Variants in PLCB1 observed in about 807,000 individuals in gnomAD.
The protein encoded by PLCB1 is phospholipase C beta 1.
In PLCB1, 46 loss-of-function variants were observed where a neutral mutation model predicts 161.8. The ratio of observed to expected loss-of-function variants is 0.28; its 90% CI spans 0.22 to 0.36. The LOEUF (loss-of-function observed/expected upper bound fraction) is 0.36. PLCB1 is among the 10% of genes least tolerant of loss of function. PLCB1 has a pLI of 1.00. For missense variants in PLCB1, 1,016 were observed against 1,472.5 expected (o/e 0.69, Z 5.07); for synonymous variants, 517 against 503.7 (o/e 1.03, Z -0.35).
chr20:8,159,388 G>T, intron 2 of PLCB1, among the ~76,000 whole-genome samples: 1 of 152,066 alleles, frequency 6.6e-6, no homozygotes, highest in East Asian at 1.9e-4. Flanking sequence ...AGGGACCCTT[G>T]TTCCAACCCA....
At chr20:8,268,646 A>G (rs967091775) in intron 2 of PLCB1, among the ~76,000 whole-genome samples, 1 of 152,142 alleles carries the variant, frequency 6.6e-6, no homozygotes, top group African/African-American at 2.4e-5. Flanking sequence ...CTGACCTTTT[A>G]ATGATCGCCA....
chr20:8,736,260 G>T (rs1980576861), intron 19 of PLCB1, among the ~76,000 whole-genome samples: 2 of 152,174 alleles, frequency 1.3e-5, no homozygotes, highest in African/African-American at 4.8e-5. Context: ...TTGAAAATTT[G>T]CATAGAAACA....
intron 9 of PLCB1, among the ~76,000 whole-genome samples, chr20:8,678,708 C>T (rs1020235842): frequency 6.6e-6 from 1 of 152,198 alleles, no homozygotes; most frequent in African/African-American, 2.4e-5. Context: ...CCTACTCCTT[C>T]CTTCTAAACT....
At chr20:8,534,889 A>G (rs960870023) in intron 3 of PLCB1, among the ~76,000 whole-genome samples, 1 of 152,224 alleles carries the variant, frequency 6.6e-6, no homozygotes, top group East Asian at 1.9e-4. Context: ...CGTGGGGAGC[A>G]GGAAGCCTAC....
rs1202198825 is a variant in PLCB1 at position 8,180,911 on chromosome 20, C to A, written c.177+30540C>A. On this transcript the variant is annotated intron_variant, in intron 2 of 31. Coordinates refer to ENST00000338037, the MANE Select transcript of PLCB1 (RefSeq NM_015192.4). ...AATTTAAAAAAGGAATTGCATTTGT[C>A]ATTTTTTCATACATTCATAATGTAA... Among the ~76,000 whole-genome samples the A allele has an allele frequency of 2.7e-5, 4 of 150,780 alleles. No homozygotes were observed. The East Asian group carries it at 7.8e-4, about 29-fold the overall frequency.
At chr20:8,758,675 A>G (rs1487384815) in intron 24 of PLCB1, among the ~76,000 whole-genome samples, 1 of 152,242 alleles carries the variant, frequency 6.6e-6, no homozygotes, top group Admixed American at 6.5e-5. Context: ...TTTATATACC[A>G]AATACAAACA....
chr20:8,511,848 T>A (rs1443434451), intron 3 of PLCB1, among the ~76,000 whole-genome samples: 1 of 152,188 alleles, frequency 6.6e-6, no homozygotes, highest in East Asian at 1.9e-4. Flanking sequence ...TTTAAATTCT[T>A]TACCCATTTT....
rs367587462 is a variant in PLCB1, at chr20:8,700,198, C to T, written c.1167+2415C>T. ...TGATGGAGCTGAGAGCTGGTGGCAC[C>T]GCACACTGCCCATCCGCCAGGAAGA... On this transcript the variant is annotated intron_variant, in intron 11 of 31. Transcript: ENST00000338037. Among the ~76,000 whole-genome samples the T allele has an allele frequency of 6.6e-5, 10 of 152,314 alleles. No homozygotes were observed. The East Asian group carries it at 1.5e-3, about 24-fold the overall frequency.
intron 2 of PLCB1, among the ~76,000 whole-genome samples, chr20:8,159,372 C>T (rs752269182): frequency 2.2e-4 from 34 of 152,118 alleles, no homozygotes; most frequent in Non-Finnish European, 4.1e-4. Context: ...AGGCTACACA[C>T]AGCACAGGGA....
intron 31 of PLCB1, among the ~76,000 whole-genome samples, chr20:8,827,004 C>T (rs1985738556): frequency 6.6e-6 from 1 of 152,144 alleles, no homozygotes; most frequent in Non-Finnish European, 1.5e-5. Context: ...TTTCAGATGA[C>T]ATCTCTTAGG....
chr20:8,222,120 A>G (rs958976152), intron 2 of PLCB1, among the ~76,000 whole-genome samples: 1 of 152,152 alleles, frequency 6.6e-6, no homozygotes, highest in Non-Finnish European at 1.5e-5. Flanking sequence ...TTGGCTTCAA[A>G]TGCTAATATA....
intron 4 of PLCB1, among the ~76,000 whole-genome samples, chr20:8,636,387 G>A (rs959902074): frequency 2.0e-5 from 3 of 152,254 alleles, no homozygotes; most frequent in South Asian, 4.1e-4. Context: ...TTTTATACTG[G>A]TAGGTGTCCT....
rs1231451317 is a variant in PLCB1, at chr20:8,644,864, T to C, written c.385-1238T>C. Among the ~76,000 whole-genome samples the C allele has an allele frequency of 2.2e-4, 34 of 152,084 alleles. 1 individual carries two copies. The East Asian group carries it at 5.4e-3, about 24-fold the overall frequency. ...CATTGAGAACGGGCCAGGATGACAA[T>C]GGCGGTTTTGTGGAATAGAAAGGGG... On this transcript the variant is annotated intron_variant, in intron 4 of 31. Transcript: ENST00000338037.
At chr20:8,146,088 CTGTTTT>C (rs1347514084) in intron 1 of PLCB1, among the ~76,000 whole-genome samples, 9 of 134,970 alleles carry the variant, frequency 6.7e-5, no homozygotes, top group African/African-American at 2.8e-4. Context: ...AATCTTCTTA[CTGTTTT>C]TGTTTTTTTT....
chr20:8,251,609 T>C (rs550862103), intron 2 of PLCB1, among the ~76,000 whole-genome samples: 62 of 152,040 alleles, frequency 4.1e-4, no homozygotes, highest in African/African-American at 1.4e-3. Context: ...ACAAAGAAAC[T>C]GTATATGCTG....
intron 2 of PLCB1, among the ~76,000 whole-genome samples, chr20:8,256,031 C>T (rs1568607225): frequency 6.6e-6 from 1 of 152,012 alleles, no homozygotes; most frequent in Non-Finnish European, 1.5e-5. Context: ...ATGGGCTATA[C>T]CATATAGCCT....
chr20:8,780,906 A>G (rs899601710), intron 27 of PLCB1, among the ~76,000 whole-genome samples: 1 of 152,238 alleles, frequency 6.6e-6, no homozygotes, highest in African/African-American at 2.4e-5. Flanking sequence ...TGCACCTAAA[A>G]TATTGTTTTT....
chr20:8,592,161 A>G (rs1043538937), intron 3 of PLCB1, among the ~76,000 whole-genome samples: 10 of 152,218 alleles, frequency 6.6e-5, no homozygotes, highest in East Asian at 3.9e-4. Context: ...CATGTGGCCA[A>G]TCTTTGACCA....
intron 3 of PLCB1, among the ~76,000 whole-genome samples, chr20:8,441,834 A>G (rs1288950901): frequency 6.6e-6 from 1 of 152,254 alleles, no homozygotes; most frequent in Non-Finnish European, 1.5e-5. Flanking sequence ...CCTTTTAAAT[A>G]TCAATCCAGG....
Sources: gnomAD v4.1 joint callset for allele counts (sites outside exome capture counted in the v4.1 genomes callset) on GRCh38, gnomAD v4.1.1 for gene constraint, MANE v1.5 for transcripts, NCBI Gene and HGNC (gene_info 2026-07-23, HGNC 2026-07-21) for gene names.